The following KCNMB2 variants were observed in gnomAD, a reference collection of about 807,000 sequenced individuals.
The protein encoded by KCNMB2 is calcium-activated potassium channel subunit beta-2.
KCNMB2 carries 9 observed loss-of-function variants against 24.5 expected under a neutral mutation model. The observed-to-expected ratio is 0.37, with a 90% confidence interval of 0.22 to 0.64. The LOEUF is 0.64. KCNMB2 is among the 30% of genes least tolerant of loss of function. The pLI is 0.63. For missense variants in KCNMB2, 226 were observed against 284.3 expected, an observed-to-expected ratio of 0.79 and a Z score of 1.47; for synonymous variants, 109 against 104.4, an observed-to-expected ratio of 1.04 and a Z score of -0.27.
At chr3:178,621,308 T>G (rs1406771487) in intron 1 of KCNMB2, among the ~76,000 whole-genome samples, 1 of 152,020 alleles carries the variant, frequency 6.6e-6, no homozygotes, top group East Asian at 1.9e-4. Context: ...ATTCTGGCCT[T>G]TTCTCTGTTT....
chr3:178,608,722 G>T (rs1440488923), intron 1 of KCNMB2, among the ~76,000 whole-genome samples: 1 of 152,094 alleles, frequency 6.6e-6, no homozygotes, highest in Non-Finnish European at 1.5e-5. Flanking sequence ...GGGTCCATGA[G>T]TTCAATTGTT....
chr3:178,651,490 C>A (rs1393688112), intron 1 of KCNMB2, among the ~76,000 whole-genome samples: 1 of 152,180 alleles, frequency 6.6e-6, no homozygotes, highest in Non-Finnish European at 1.5e-5. Flanking sequence ...AATGGCCATA[C>A]TGCCCAAAGG....
At chr3:178,541,934 T>A (rs1715631670) in intron 1 of KCNMB2, among the ~76,000 whole-genome samples, 1 of 152,182 alleles carries the variant, frequency 6.6e-6, no homozygotes, top group South Asian at 2.1e-4. Context: ...ACCTGCTACC[T>A]GCTCTGCTCC....
intron 1 of KCNMB2, among the ~76,000 whole-genome samples, chr3:178,740,565 G>A (rs552716315): frequency 8.6e-4 from 131 of 152,224 alleles, no homozygotes; most frequent in Non-Finnish European, 8.7e-4. Flanking sequence ...AATAATCTTA[G>A]GAGCTACTGT....
chr3:178,778,338 C>A (rs1315662841), intron 1 of KCNMB2, among the ~76,000 whole-genome samples: 1 of 152,038 alleles, frequency 6.6e-6, no homozygotes, highest in African/African-American at 2.4e-5. Context: ...AATAAAAAAA[C>A]AGGCTAAGAC....
At chr3:178,784,698 A>G (rs1713024102) in intron 1 of KCNMB2, among the ~76,000 whole-genome samples, 2 of 150,468 alleles carry the variant, frequency 1.3e-5, no homozygotes, top group Admixed American at 6.7e-5. Context: ...AAAGAGAATC[A>G]TTATTCCTGT....
At chr3:178,642,712 C>T (rs1248803813) in intron 1 of KCNMB2, among the ~76,000 whole-genome samples, 1 of 152,144 alleles carries the variant, frequency 6.6e-6, no homozygotes, top group Non-Finnish European at 1.5e-5. Flanking sequence ...GTAATCAAGA[C>T]ATTAAAAACT....
At chr3:178,748,786 T>A (rs1723750871) in intron 1 of KCNMB2, among the ~76,000 whole-genome samples, 1 of 152,204 alleles carries the variant, frequency 6.6e-6, no homozygotes, top group Non-Finnish European at 1.5e-5. Flanking sequence ...GAACACAAAC[T>A]ATTTCTTAAC....
rs571174312 is a variant in KCNMB2, at chr3:178,546,834, C to G, written c.-68+10123C>G. ...GTATCTATGACTGCAGTGTTGTGAT[C>G]AAAATGGAGAAGAACAAGAGTGGAT... On this transcript the variant is annotated intron_variant, in intron 1 of 4. Coordinates refer to ENST00000452583, the MANE Select transcript of KCNMB2 (RefSeq NM_181361.3). 2.0e-5 allele frequency among the ~76,000 whole-genome samples: 3 copies of G among 152,254 alleles called. No homozygotes were observed. In the South Asian group the frequency reaches 6.2e-4, roughly 32 times the overall value.
intron 1 of KCNMB2, among the ~76,000 whole-genome samples, chr3:178,674,701 C>A (rs967412164): frequency 1.3e-5 from 2 of 152,132 alleles, no homozygotes; most frequent in African/African-American, 4.8e-5. Flanking sequence ...ATCATGGTTT[C>A]CCCCTTCTTG....
At chr3:178,563,080 G>A (rs1040671967) in intron 1 of KCNMB2, among the ~76,000 whole-genome samples, 8 of 152,338 alleles carry the variant, frequency 5.3e-5, no homozygotes, top group African/African-American at 1.9e-4. Flanking sequence ...CAACTGTGCA[G>A]CATGTGGAAC....
chr3:178,611,595 T>C (rs539687276), intron 1 of KCNMB2, among the ~76,000 whole-genome samples: 17 of 151,998 alleles, frequency 1.1e-4, no homozygotes, highest in African/African-American at 4.1e-4. Context: ...GTCCCAGCTA[T>C]TCGGGAGGCT....
intron 1 of KCNMB2, among the ~76,000 whole-genome samples, chr3:178,770,662 T>C (rs534122387): frequency 2.6e-4 from 40 of 152,306 alleles, no homozygotes; most frequent in African/African-American, 8.2e-4. Flanking sequence ...AAAAAAAATA[T>C]GTGAAAATGG....
intron 1 of KCNMB2, among the ~76,000 whole-genome samples, chr3:178,755,060 A>T (rs1446584223): frequency 6.6e-6 from 1 of 152,318 alleles, no homozygotes; most frequent in Non-Finnish European, 1.5e-5. Context: ...CCCCTACCGC[A>T]TCTAGGAGTT....
intron 1 of KCNMB2, among the ~76,000 whole-genome samples, chr3:178,709,076 G>A (rs1722370538): frequency 6.6e-6 from 1 of 152,166 alleles, no homozygotes; most frequent in Non-Finnish European, 1.5e-5. Context: ...AGGGGAAGAA[G>A]AAGGGAAAAT....
At chr3:178,827,896 G>A (rs1714895196) in intron 3 of KCNMB2, among the ~76,000 whole-genome samples, 1 of 152,208 alleles carries the variant, frequency 6.6e-6, no homozygotes, top group African/African-American at 2.4e-5. Context: ...CATGTTACCA[G>A]TGAGTTCCAT....
intron 1 of KCNMB2, among the ~76,000 whole-genome samples, chr3:178,591,862 C>A (rs1282079754): frequency 6.6e-6 from 1 of 152,084 alleles, no homozygotes; most frequent in Non-Finnish European, 1.5e-5. Flanking sequence ...TCAGGCCCAG[C>A]TTTTCCCTAC....
At chr3:178,778,497 CACACA>C (rs1159939060) in intron 1 of KCNMB2, among the ~76,000 whole-genome samples, 3 of 137,882 alleles carry the variant, frequency 2.2e-5, no homozygotes, top group Non-Finnish European at 3.2e-5. Flanking sequence ...CACACACACA[CACACA>C]CCTGTTCCAG....
chr3:178,788,113 C>A (rs1713181118), intron 1 of KCNMB2, among the ~76,000 whole-genome samples: 1 of 152,134 alleles, frequency 6.6e-6, no homozygotes, highest in Non-Finnish European at 1.5e-5. Flanking sequence ...AGTTAAACCA[C>A]ATTCACCATG....
Sources: allele counts gnomAD v4.1 joint callset (sites outside exome capture counted in the v4.1 genomes callset), GRCh38; gene constraint gnomAD v4.1.1; transcripts MANE v1.5; gene names NCBI Gene and HGNC (gene_info 2026-07-23, HGNC 2026-07-21).